The following DSCAM variants were observed in gnomAD, a reference collection of about 807,000 sequenced individuals.
The protein encoded by DSCAM is DS cell adhesion molecule, also known as cell adhesion molecule DSCAM.
In DSCAM, 47 loss-of-function variants were observed where a neutral mutation model predicts 217.7. The observed-to-expected ratio is 0.22, with a 90% CI of 0.17 to 0.28. The LOEUF (loss-of-function observed/expected upper bound fraction) is 0.28, where lower values mean the gene tolerates loss of function less well. Among genes scored for constraint, DSCAM ranks in the 10% least tolerant of loss-of-function variants. The probability of loss-of-function intolerance (pLI) is 1.00; values close to 1 mark genes in which losing one functional copy is unlikely to be tolerated. For missense variants in DSCAM, 2,080 were observed against 2,618.3 expected (o/e 0.79, Z 4.49); for synonymous variants, 1,056 against 1,015.3 (o/e 1.04, Z -0.76).
At chr21:40,684,619 G>T (rs568638361) in intron 3 of DSCAM, among the ~76,000 whole-genome samples, 4 of 152,310 alleles carry the variant, frequency 2.6e-5, no homozygotes, top group Non-Finnish European at 5.9e-5. Flanking sequence ...GACTTCTTGA[G>T]TAGCTAGCAA....
chr21:40,240,053 G>A (rs890038430), intron 11 of DSCAM, among the ~76,000 whole-genome samples: 1 of 152,142 alleles, frequency 6.6e-6, no homozygotes, highest in Admixed American at 6.5e-5. Context: ...GATCTTGTTG[G>A]AACACAAATT....
chr21:40,837,893 T>A (rs927752149), intron 1 of DSCAM, among the ~76,000 whole-genome samples: 14 of 152,154 alleles, frequency 9.2e-5, no homozygotes, highest in South Asian at 2.1e-4. Flanking sequence ...AAGCTACATA[T>A]CAGTTATTAA....
At chr21:40,335,094 C>T (rs1032293797) in intron 8 of DSCAM, among the ~76,000 whole-genome samples, 1 of 152,062 alleles carries the variant, frequency 6.6e-6, no homozygotes, top group African/African-American at 2.4e-5. Flanking sequence ...CTAGGATGTC[C>T]CTTCCCCAGG....
intron 3 of DSCAM, among the ~76,000 whole-genome samples, chr21:40,618,282 G>A (rs1446967664): frequency 6.6e-6 from 1 of 152,148 alleles, no homozygotes; most frequent in Non-Finnish European, 1.5e-5. Context: ...ATGTTACTGG[G>A]TAAAATCCAC....
At chr21:40,136,783 C>T (rs2090213751) in intron 18 of DSCAM, among the ~76,000 whole-genome samples, 1 of 152,052 alleles carries the variant, frequency 6.6e-6, no homozygotes, top group Non-Finnish European at 1.5e-5. Context: ...CCGGCAAATA[C>T]TTGAATCAGA....
intron 11 of DSCAM, among the ~76,000 whole-genome samples, chr21:40,221,243 C>T (rs1252601914): frequency 6.6e-6 from 1 of 151,992 alleles, no homozygotes; most frequent in African/African-American, 2.4e-5. Context: ...ACCTGTCCCA[C>T]CCATGCCACC....
chr21:40,544,649 A>T (rs1301308421), intron 3 of DSCAM, among the ~76,000 whole-genome samples: 2 of 152,260 alleles, frequency 1.3e-5, no homozygotes, highest in East Asian at 3.9e-4. Flanking sequence ...AAAGAGCTCG[A>T]CCCTGCTGAC....
intron 3 of DSCAM, among the ~76,000 whole-genome samples, chr21:40,680,875 T>C (rs1389043783): frequency 6.6e-6 from 1 of 152,190 alleles, no homozygotes; most frequent in Non-Finnish European, 1.5e-5. Context: ...AATTTTGGAA[T>C]AACTGTATTT....
intron 11 of DSCAM, among the ~76,000 whole-genome samples, chr21:40,244,172 C>T (rs1312389347): frequency 1.3e-5 from 2 of 152,078 alleles, no homozygotes; most frequent in African/African-American, 2.4e-5. Flanking sequence ...CAATTGTGAC[C>T]GGGAAGAGTG....
At chr21:40,017,697 A>C (rs537898367) in intron 32 of DSCAM, among the ~76,000 whole-genome samples, 6 of 151,932 alleles carry the variant, frequency 3.9e-5, no homozygotes, top group East Asian at 2.0e-4. Flanking sequence ...GATTACAGGC[A>C]TGCACCACCA....
intron 1 of DSCAM, among the ~76,000 whole-genome samples, chr21:40,733,777 C>T (rs1601188083): frequency 6.6e-6 from 1 of 152,284 alleles, no homozygotes; most frequent in East Asian, 1.9e-4. Flanking sequence ...TGTTAAGTTG[C>T]AGCAAGACCC....
At chr21:40,108,396 T>C (rs2089849368) in intron 20 of DSCAM, among the ~76,000 whole-genome samples, 1 of 152,100 alleles carries the variant, frequency 6.6e-6, no homozygotes, top group African/African-American at 2.4e-5. Flanking sequence ...TAAACTCCCA[T>C]TCACAACTGC....
intron 3 of DSCAM, among the ~76,000 whole-genome samples, chr21:40,537,485 T>A (rs565381680): frequency 1.3e-5 from 2 of 152,274 alleles, no homozygotes; most frequent in South Asian, 4.1e-4. Flanking sequence ...AGGAATTATA[T>A]TCCCCACCCC....
At position 40,780,447 on chromosome 21, in the gene DSCAM, A is replaced by ATATATC. The variant is rs1308722522; in HGVS notation, c.43+66171_43+66172insGATATA. 1.1e-4 allele frequency among the ~76,000 whole-genome samples: 15 copies of ATATATC among 141,540 alleles called. No individual in the cohort carries two copies. In the East Asian group the frequency reaches 1.1e-3, roughly 10 times the overall value. 92.9% of individuals were successfully genotyped at this position (141,540 alleles called of 152,430 possible). On this transcript the variant is annotated intron_variant, in intron 1 of 32. Coordinates refer to ENST00000400454, the MANE Select transcript of DSCAM (RefSeq NM_001389.5). Reference sequence around the variant, plus strand: ...TGTATATATATATATATATATATATATCTCCTGTTATCCTATTTATGAACT... The same window carrying ATATATC: ...TGTATATATATATATATATATATATATATATCTCTCCTGTTATCCTATTTATGAACT...
chr21:40,129,649 C>T (rs1429553804), intron 19 of DSCAM, among the ~76,000 whole-genome samples: 1 of 152,178 alleles, frequency 6.6e-6, no homozygotes, highest in Non-Finnish European at 1.5e-5. Flanking sequence ...GGTATACCTG[C>T]CACTGCACAT....
chr21:40,473,026 G>A lies in DSCAM; in HGVS notation c.509-103781C>T, dbSNP rs139159547. Among the ~76,000 whole-genome samples the A allele has an allele frequency of 1.2e-4, 19 of 152,276 alleles. No homozygotes were observed. In the East Asian group the frequency reaches 3.7e-3, roughly 29 times the overall value. On this transcript the variant is annotated intron_variant, in intron 3 of 32. Coordinates refer to ENST00000400454, the MANE Select transcript of DSCAM (RefSeq NM_001389.5). ...CCTGGCAAAGCGGACGGTCCATACGGGGCACGGATTTATTTGAGGAGAAGT... is the reference window on the plus strand; with the variant it reads ...CCTGGCAAAGCGGACGGTCCATACGAGGCACGGATTTATTTGAGGAGAAGT...
chr21:40,805,289 C>T (rs2091775831), intron 1 of DSCAM, among the ~76,000 whole-genome samples: 2 of 152,210 alleles, frequency 1.3e-5, no homozygotes, highest in South Asian at 4.1e-4. Context: ...ATCTCTCTTT[C>T]CCCCTCTCTG....
At chr21:40,616,046 G>A (rs1168228617) in intron 3 of DSCAM, among the ~76,000 whole-genome samples, 1 of 151,240 alleles carries the variant, frequency 6.6e-6, no homozygotes, top group Non-Finnish European at 1.5e-5. Context: ...AAGAGGCCTC[G>A]GTTATTATTT....
At chr21:40,236,628 GA>G (rs756271063) in intron 11 of DSCAM, among the ~76,000 whole-genome samples, 1 of 152,148 alleles carries the variant, frequency 6.6e-6, no homozygotes, top group Non-Finnish European at 1.5e-5. Context: ...CTGCTTCATA[GA>G]AGCCTGGGGT....
Sources: gnomAD v4.1 joint callset for allele counts (sites outside exome capture counted in the v4.1 genomes callset) on GRCh38, gnomAD v4.1.1 for gene constraint, MANE v1.5 for transcripts, NCBI Gene and HGNC (gene_info 2026-07-23, HGNC 2026-07-21) for gene names.